NEGR1: variants seen among roughly 807,000 people sequenced by gnomAD.
The protein encoded by NEGR1 is IgLON family member 4.
In NEGR1, 10 loss-of-function variants were observed where a neutral mutation model predicts 40.9. The ratio of observed to expected loss-of-function variants is 0.24; its 90% CI spans 0.15 to 0.42. NEGR1 has a LOEUF of 0.42. Among genes scored for constraint, NEGR1 ranks in the 10% least tolerant of loss-of-function variants. The pLI is 1.00. For missense variants in NEGR1, 352 were observed against 438.9 expected, an observed-to-expected ratio of 0.80 and a Z score of 1.77; for synonymous variants, 185 against 166.8, an observed-to-expected ratio of 1.11 and a Z score of -0.84.
chr1:71,994,727 GC>G (rs1646488267), intron 1 of NEGR1, among the ~76,000 whole-genome samples: 2 of 152,044 alleles, frequency 1.3e-5, no homozygotes, highest in Admixed American at 1.3e-4. Flanking sequence ...TCAGTAAAGT[GC>G]CCACATCATG....
chr1:71,848,564 G>A (rs1242832439), intron 2 of NEGR1, among the ~76,000 whole-genome samples: 1 of 152,172 alleles, frequency 6.6e-6, no homozygotes, highest in Admixed American at 6.5e-5. Flanking sequence ...CAGCACATCT[G>A]TTTACAGTAT....
chr1:71,799,663 A>C (rs1657481485), intron 2 of NEGR1, among the ~76,000 whole-genome samples: 1 of 152,074 alleles, frequency 6.6e-6, no homozygotes, highest in Non-Finnish European at 1.5e-5. Context: ...TCCCACCAAC[A>C]GTATAAAAGT....
intron 1 of NEGR1, among the ~76,000 whole-genome samples, chr1:72,144,419 A>G (rs116788629): frequency 0.02 from 2,405 of 117,708 alleles, 56 homozygotes; most frequent in African/African-American, 0.061. Context: ...TCATAAAACT[A>G]TAAGAAACAC....
intron 1 of NEGR1, among the ~76,000 whole-genome samples, chr1:72,199,690 T>A (rs1653132774): frequency 6.6e-6 from 1 of 152,030 alleles, no homozygotes; most frequent in Non-Finnish European, 1.5e-5. Context: ...CATTTTTAAA[T>A]TTAATTTCTA....
At chr1:72,149,271 A>G (rs1332375738) in intron 1 of NEGR1, among the ~76,000 whole-genome samples, 2 of 152,114 alleles carry the variant, frequency 1.3e-5, no homozygotes, top group Admixed American at 1.3e-4. Context: ...TAGTATGGGA[A>G]AGAACAGTCC....
At chr1:71,927,818 TAAAAAAAAAAAAAAAA>T (rs35429988) in intron 2 of NEGR1, among the ~76,000 whole-genome samples, 2 of 22,446 alleles carry the variant, frequency 8.9e-5, no homozygotes, top group South Asian at 2.8e-3. Flanking sequence ...ACCCAATCTC[TAAAAAAAAAAAAAAAA>T]AAAAAAAAAA....
At chr1:72,074,071 T>C (rs529015968) in intron 1 of NEGR1, among the ~76,000 whole-genome samples, 142 of 152,176 alleles carry the variant, frequency 9.3e-4, no homozygotes, top group African/African-American at 3.2e-3. Context: ...GAAATTAGGA[T>C]TGAATTTAGA....
intron 3 of NEGR1, among the ~76,000 whole-genome samples, chr1:71,717,871 G>A (rs948381759): frequency 6.6e-6 from 1 of 152,192 alleles, no homozygotes; most frequent in Non-Finnish European, 1.5e-5. Flanking sequence ...GAAAGACAAT[G>A]CGAACACACT....
At chr1:72,234,085 T>C (rs1654469280) in intron 1 of NEGR1, among the ~76,000 whole-genome samples, 1 of 152,086 alleles carries the variant, frequency 6.6e-6, no homozygotes. Flanking sequence ...CTTACCCAGG[T>C]ATTAAGCCTA....
intron 3 of NEGR1, among the ~76,000 whole-genome samples, chr1:71,725,187 G>A (rs1410497306): frequency 6.6e-6 from 1 of 152,130 alleles, no homozygotes; most frequent in Non-Finnish European, 1.5e-5. Flanking sequence ...ATCGATAGAA[G>A]AATTTCAATA....
rs184097022 is a variant in NEGR1, at chr1:72,258,189, T to C, written c.176+24130A>G. Among the ~76,000 whole-genome samples, 237 of 152,268 alleles carry C rather than the reference T, an allele frequency of 1.6e-3. 1 individual carries two copies. The highest frequency in any genetic ancestry group is 0.014 in the Admixed American group (217 of 15,280). ...TGGGGACATTTGACAATACCTAGAT[T>C]TCTTTTTTGGTTTTCAAAACTCAAG... is the stretch of plus-strand genomic sequence containing the variant. On this transcript the variant is annotated intron_variant, in intron 1 of 6. Transcript: ENST00000357731.
chr1:71,989,876 T>C (rs1458398413), intron 1 of NEGR1, among the ~76,000 whole-genome samples: 1 of 152,224 alleles, frequency 6.6e-6, no homozygotes, highest in East Asian at 1.9e-4. Flanking sequence ...TTGCAGTTAA[T>C]GTTTTTTTAA....
At chr1:72,071,954 T>C (rs1268433000) in intron 1 of NEGR1, among the ~76,000 whole-genome samples, 1 of 152,152 alleles carries the variant, frequency 6.6e-6, no homozygotes, top group Non-Finnish European at 1.5e-5. Context: ...CTATAGATTT[T>C]AGAAAAAGTC....
intron 1 of NEGR1, among the ~76,000 whole-genome samples, chr1:72,148,229 GA>G (rs1159946223): frequency 6.6e-6 from 1 of 152,112 alleles, no homozygotes; most frequent in Admixed American, 6.6e-5. Flanking sequence ...TACATCCTTT[GA>G]AATCTAGACG....
chr1:71,777,664 A>T (rs2101719877), intron 2 of NEGR1, among the ~76,000 whole-genome samples: 1 of 152,118 alleles, frequency 6.6e-6, no homozygotes, highest in East Asian at 1.9e-4. Context: ...TGTTTTCACG[A>T]TTACCTTTAA....
At chr1:71,463,457 C>T (rs1162612802) in intron 6 of NEGR1, 2 of 152,022 alleles carry the variant, frequency 1.3e-5, no homozygotes, top group African/African-American at 4.8e-5. Flanking sequence ...TTATGATTCT[C>T]CAAGTTCTCT....
intron 3 of NEGR1, among the ~76,000 whole-genome samples, chr1:71,744,696 G>A (rs1347041682): frequency 2.0e-5 from 3 of 152,050 alleles, no homozygotes; most frequent in African/African-American, 7.2e-5. Context: ...CAAATTCTTG[G>A]CTTAGCTTCC....
At chr1:71,918,423 C>G (rs1193022358) in intron 2 of NEGR1, among the ~76,000 whole-genome samples, 1 of 151,798 alleles carries the variant, frequency 6.6e-6, no homozygotes, top group Non-Finnish European at 1.5e-5. Context: ...GCAAAGCCAG[C>G]AACTCTCCAT....
At chr1:71,865,888 A>G (rs1381189784) in intron 2 of NEGR1, among the ~76,000 whole-genome samples, 2 of 152,312 alleles carry the variant, frequency 1.3e-5, no homozygotes, top group South Asian at 2.1e-4. Context: ...TGTATTTAAA[A>G]TATCTTGAGT....
Sources: allele counts gnomAD v4.1 joint callset (sites outside exome capture counted in the v4.1 genomes callset), GRCh38; gene constraint gnomAD v4.1.1; transcripts MANE v1.5; gene names NCBI Gene and HGNC (gene_info 2026-07-23, HGNC 2026-07-21).